Variants in SYCP2L observed in about 807,000 individuals in gnomAD.
SYCP2L encodes synaptonemal complex protein 2 like.
SYCP2L carries 98 observed loss-of-function variants against 125.8 expected under a neutral mutation model. That is an observed-to-expected ratio of 0.78 (90% CI 0.66 to 0.92). The LOEUF (loss-of-function observed/expected upper bound fraction) is 0.92. Among genes scored for constraint, SYCP2L ranks in the 40% least tolerant of loss-of-function variants. The pLI, the probability that SYCP2L is intolerant of heterozygous loss-of-function variation, is 0.00. For missense variants in SYCP2L, 842 were observed against 936.4 expected, an observed-to-expected ratio of 0.90 and a Z score of 1.32; for synonymous variants, 317 against 325.4, an observed-to-expected ratio of 0.97 and a Z score of 0.28.
intron 5 of SYCP2L, 68 bp from the exon 6 acceptor site, chr6:10,898,756 A>G (rs1780327689): frequency 5.7e-6 from 6 of 1,054,328 alleles, no homozygotes; most frequent in Non-Finnish European, 8.8e-6. Context: ...ACACTAATAC[A>G]TTCACATTAC....
intron 1 of SYCP2L, among the ~76,000 whole-genome samples, chr6:10,889,872 G>A (rs1339639717): frequency 6.6e-6 from 1 of 151,808 alleles, no homozygotes; most frequent in African/African-American, 2.4e-5. Flanking sequence ...CACCCACCTC[G>A]GCCACCCAAA....
chr6:10,971,232 G>A (rs1245781527), intron 29 of SYCP2L, among the ~76,000 whole-genome samples: 3 of 152,096 alleles, frequency 2.0e-5, no homozygotes, highest in Non-Finnish European at 4.4e-5. Flanking sequence ...GCCGAGGCAG[G>A]CAGATCATGA....
intron 25 of SYCP2L, 110 bp downstream of exon 25, chr6:10,956,352 A>C: frequency 1.2e-6 from 1 of 840,482 alleles, no homozygotes; most frequent in Non-Finnish European, 1.8e-6. Context: ...TTGAAATCTA[A>C]AAAAAGTTGA....
intron 6 of SYCP2L, among the ~76,000 whole-genome samples, chr6:10,899,530 A>G (rs1377807926): frequency 6.6e-6 from 1 of 152,214 alleles, no homozygotes; most frequent in Admixed American, 6.5e-5. Context: ...CCTGGGTGAC[A>G]GCGTGATCCT....
chr6:10,923,907 A>C (rs1451965262), intron 14 of SYCP2L, among the ~76,000 whole-genome samples: 1 of 151,312 alleles, frequency 6.6e-6, no homozygotes, highest in Admixed American at 6.6e-5. Context: ...GATGGTCTCC[A>C]TCTCCTGACC....
intron 29 of SYCP2L, among the ~76,000 whole-genome samples, chr6:10,968,740 C>G (rs1177115340): frequency 6.6e-6 from 1 of 152,124 alleles, no homozygotes; most frequent in East Asian, 1.9e-4. Context: ...GAGATGTACG[C>G]ACAGCATCAG....
chr6:10,905,173 G>T (rs1278742623), intron 8 of SYCP2L, among the ~76,000 whole-genome samples: 1 of 127,762 alleles, frequency 7.8e-6, no homozygotes, highest in Non-Finnish European at 1.7e-5. Flanking sequence ...AAAAGAAGAA[G>T]ATCGACTCAC....
chr6:10,944,993 C>T (rs1336131698), intron 23 of SYCP2L, among the ~76,000 whole-genome samples: 2 of 152,194 alleles, frequency 1.3e-5, no homozygotes, highest in African/African-American at 4.8e-5. Context: ...GGATTACAGG[C>T]ATGAGCCACC....
At chr6:10,914,892 G>T (rs538886043) in intron 14 of SYCP2L, among the ~76,000 whole-genome samples, 1 of 151,782 alleles carries the variant, frequency 6.6e-6, no homozygotes, top group East Asian at 1.9e-4. Context: ...GATTACAGGT[G>T]CCCACCACCA....
intron 6 of SYCP2L, among the ~76,000 whole-genome samples, chr6:10,900,505 A>C (rs1780358860): frequency 6.6e-6 from 1 of 152,034 alleles, no homozygotes; most frequent in Admixed American, 6.6e-5. Flanking sequence ...AGCGTGTGCC[A>C]CCACGCCTGG....
chr6:10,898,546 G>A (rs1780323859), intron 5 of SYCP2L, among the ~76,000 whole-genome samples: 1 of 152,100 alleles, frequency 6.6e-6, no homozygotes, highest in Admixed American at 6.6e-5. Context: ...TTTATTATTA[G>A]AATATTATTA....
chr6:10,961,685 C>A, intron 28 of SYCP2L, 127 bp downstream of exon 28: 3 of 910,624 alleles, frequency 3.3e-6, no homozygotes, highest in South Asian at 1.6e-5. Context: ...TCTTTTGAAC[C>A]GGCCACTTCT....
Position 10,954,840 on chromosome 6 carries a change from C to G in SYCP2L, c.1955-276C>G, listed in dbSNP as rs1185496174. Among the ~76,000 whole-genome samples the G allele has an allele frequency of 2.0e-5, 3 of 152,176 alleles. No individual in the cohort carries two copies. Among genetic ancestry groups the G allele is most frequent in the Admixed American group, 6.5e-5 (1 of 15,274 alleles). The stretch of plus-strand genomic sequence containing the variant: ...TTTGATGTCTACCATTACTGCTTAA[C>G]TTAGGAACGCTCTGCCTAGTGAGGG... On this transcript the variant is annotated intron_variant, in intron 23 of 29. Transcript: ENST00000283141. The surrounding 1 kb of genome is among the most constrained non-coding windows in gnomAD (Gnocchi z 4.8).
At chr6:10,924,445 TA>T (rs765428188) in intron 14 of SYCP2L, 50 bp from the exon 15 acceptor site, 1 of 1,402,678 alleles carries the variant, frequency 7.1e-7, no homozygotes, top group African/African-American at 1.5e-5. Flanking sequence ...AATTTTAAAA[TA>T]AAACATTGAA....
Position 10,924,375 on chromosome 6 carries a change from C to G in SYCP2L, c.1073-121C>G, listed in dbSNP as rs144288962. On this transcript the variant is annotated intron_variant, in intron 14 of 29. Coordinates refer to ENST00000283141, the MANE Select transcript of SYCP2L (RefSeq NM_001040274.3). ...AATGTTATTTAATATGATTTCTTTT[C>G]AACTTCTTAACACAGAAAAATCTGG... The G allele has an allele frequency of 1.9e-5, 15 of 804,304 alleles. No individual in the cohort carries two copies. In the African/African-American group the frequency reaches 2.7e-4, roughly 15 times the overall value. 49.8% of individuals were successfully genotyped at this position (804,304 alleles called of 1,614,324 possible).
At chr6:10,911,540 C>T (rs770914678) in intron 12 of SYCP2L, among the ~76,000 whole-genome samples, 2 of 152,192 alleles carry the variant, frequency 1.3e-5, no homozygotes, top group African/African-American at 2.4e-5. Flanking sequence ...AAACTTTCAG[C>T]TCATGGCTAC....
At chr6:10,917,611 C>G (rs1340573436) in intron 14 of SYCP2L, among the ~76,000 whole-genome samples, 2 of 152,182 alleles carry the variant, frequency 1.3e-5, no homozygotes, top group East Asian at 3.8e-4. Context: ...TTCTGTATCT[C>G]TTAAGTGGAG....
chr6:10,943,034 G>A (rs1316659260), intron 23 of SYCP2L, among the ~76,000 whole-genome samples: 9 of 152,170 alleles, frequency 5.9e-5, no homozygotes, highest in African/African-American at 2.2e-4. Context: ...AGCCTCAGAG[G>A]AGGGCACAGT....
At chr6:10,910,993 C>T (rs952540379) in intron 12 of SYCP2L, 124 bp downstream of exon 12, 22 of 1,002,948 alleles carry the variant, frequency 2.2e-5, no homozygotes, top group South Asian at 4.0e-5. Context: ...AGGATGCCAA[C>T]GTCTTCTAAT....
Sources: allele counts gnomAD v4.1 joint callset (sites outside exome capture counted in the v4.1 genomes callset), GRCh38; gene constraint gnomAD v4.1.1; non-coding constraint Gnocchi (gnomAD v3.1); transcripts MANE v1.5; gene names NCBI Gene and HGNC (gene_info 2026-07-23, HGNC 2026-07-21).